GKAP1: variants seen among roughly 807,000 people sequenced by gnomAD.
GKAP1 encodes G kinase anchoring protein 1.
GKAP1 carries 31 observed loss-of-function variants against 56.7 expected under a neutral mutation model. The ratio of observed to expected loss-of-function variants is 0.55; its 90% CI spans 0.41 to 0.74. GKAP1 has a LOEUF of 0.74. Among genes scored for constraint, GKAP1 ranks in the 30% least tolerant of loss-of-function variants. The pLI is 0.00. For synonymous variants in GKAP1, 151 were observed against 138.6 expected, an observed-to-expected ratio of 1.09 and a Z score of -0.63; for missense variants, 364 against 402.3, an observed-to-expected ratio of 0.90 and a Z score of 0.82.
chr9:83,755,827 G>A (rs1433041044), intron 8 of GKAP1, among the ~76,000 whole-genome samples: 9 of 129,732 alleles, frequency 6.9e-5, no homozygotes, highest in South Asian at 2.4e-4. Flanking sequence ...TTTTTGAGAC[G>A]AAGTCTCGAT....
intron 2 of GKAP1, among the ~76,000 whole-genome samples, chr9:83,808,071 G>A (rs565161435): frequency 2.9e-4 from 44 of 152,272 alleles, no homozygotes; most frequent in Admixed American, 5.2e-4. Context: ...ACAGTATCAT[G>A]TTAAGACAAA....
intron 9 of GKAP1, among the ~76,000 whole-genome samples, chr9:83,751,335 C>G (rs1943385424): frequency 6.6e-6 from 1 of 152,124 alleles, no homozygotes; most frequent in Non-Finnish European, 1.5e-5. Flanking sequence ...TTTTTGATAG[C>G]AGCAACTCAT....
intron 9 of GKAP1, among the ~76,000 whole-genome samples, chr9:83,749,937 C>T (rs1943359910): frequency 6.6e-6 from 1 of 152,152 alleles, no homozygotes; most frequent in Non-Finnish European, 1.5e-5. Context: ...AAAACACATA[C>T]ACTCAACTAC....
At chr9:83,774,697 A>AC (rs201169255) in intron 7 of GKAP1, among the ~76,000 whole-genome samples, 1 of 107,230 alleles carries the variant, frequency 9.3e-6, no homozygotes, top group Non-Finnish European at 2.0e-5. Flanking sequence ...ATAAACAGAA[A>AC]CCCCCTTTTT....
intron 2 of GKAP1, among the ~76,000 whole-genome samples, chr9:83,812,465 G>A (rs144003875): frequency 0.011 from 1,676 of 150,308 alleles, 28 homozygotes; most frequent in African/African-American, 0.039. Flanking sequence ...CTCCCACCTC[G>A]GCCTCCAGAG....
chr9:83,814,157 A>G (rs1232245350), intron 2 of GKAP1, among the ~76,000 whole-genome samples: 1 of 152,192 alleles, frequency 6.6e-6, no homozygotes, highest in African/African-American at 2.4e-5. Context: ...CAAAGTCTTT[A>G]TTTTACATAT....
intron 3 of GKAP1, among the ~76,000 whole-genome samples, chr9:83,805,032 G>A (rs1345842919): frequency 6.6e-6 from 1 of 152,238 alleles, no homozygotes; most frequent in Admixed American, 6.5e-5. Context: ...AGAAGGGGGG[G>A]AAAGGTGGGG....
intron 7 of GKAP1, among the ~76,000 whole-genome samples, chr9:83,772,646 A>T (rs1166705224): frequency 6.6e-6 from 1 of 152,212 alleles, no homozygotes; most frequent in Non-Finnish European, 1.5e-5. Context: ...ATAAAAAATT[A>T]AAAAGAAAAG....
intron 7 of GKAP1, among the ~76,000 whole-genome samples, chr9:83,769,182 A>G (rs1004955248): frequency 1.3e-5 from 2 of 152,192 alleles, no homozygotes; most frequent in Non-Finnish European, 2.9e-5. Flanking sequence ...ACATTTGGAA[A>G]TTTCCTTTCA....
rs1234903747 is a variant in GKAP1 at position 83,795,569 on chromosome 9, T to C, written c.360+3616A>G. 2.6e-5 allele frequency among the ~76,000 whole-genome samples: 4 copies of C among 150,950 alleles called. No homozygotes were observed. In the Admixed American group the frequency reaches 2.7e-4, roughly 10 times the overall value. ...TAATGGTGGTATACTCTCTCAGTTA[T>C]GGTTATGTCTGAGAGTGTCTTTTTT... On this transcript the variant is annotated intron_variant, in intron 4 of 12. Transcript: ENST00000376371.
intron 2 of GKAP1, among the ~76,000 whole-genome samples, chr9:83,812,920 T>C (rs1944532402): frequency 2.0e-5 from 3 of 152,116 alleles, no homozygotes; most frequent in Admixed American, 6.5e-5. Flanking sequence ...CGTTAACTAA[T>C]TTTTCAGAAT....
chr9:83,763,814 A>G (rs1294382623), intron 8 of GKAP1, among the ~76,000 whole-genome samples: 1 of 152,208 alleles, frequency 6.6e-6, no homozygotes, highest in Non-Finnish European at 1.5e-5. Context: ...CTAATAGTGT[A>G]AGAAAGGCAG....
At chr9:83,771,445 T>A (rs1458480793) in intron 7 of GKAP1, among the ~76,000 whole-genome samples, 1 of 152,216 alleles carries the variant, frequency 6.6e-6, no homozygotes, top group African/African-American at 2.4e-5. Context: ...CAAGGTTCAA[T>A]AATTATTCAT....
At chr9:83,761,820 A>G (rs1379332451) in intron 8 of GKAP1, among the ~76,000 whole-genome samples, 1 of 152,252 alleles carries the variant, frequency 6.6e-6, no homozygotes, top group Non-Finnish European at 1.5e-5. Context: ...GATCATTTCA[A>G]TTGATGCTGA....
chr9:83,744,184 T>C (rs1220646614), intron 10 of GKAP1, among the ~76,000 whole-genome samples: 2 of 152,244 alleles, frequency 1.3e-5, no homozygotes, highest in African/African-American at 4.8e-5. Context: ...TGAAAACTAG[T>C]GATTTTAAAG....
chr9:83,753,562 A>C (rs2131242909), intron 8 of GKAP1, among the ~76,000 whole-genome samples: 1 of 152,332 alleles, frequency 6.6e-6, no homozygotes, highest in South Asian at 2.1e-4. Context: ...TAATTAAGCC[A>C]AACATACTGA....
chr9:83,775,874 C>CAA (rs55669011), intron 7 of GKAP1, among the ~76,000 whole-genome samples: 1,077 of 42,116 alleles, frequency 0.026, 1 homozygote, highest in Non-Finnish European at 0.029. Context: ...GACTCTGTCT[C>CAA]AAAAAAAAAA....
Position 83,769,005 on chromosome 9 carries a change from A to G in GKAP1, c.586-35T>C, listed in dbSNP as rs765454564. 5.7e-6 allele frequency: 9 copies of G among 1,565,312 alleles called. No homozygotes were observed. In the Admixed American group the frequency reaches 1.2e-4, roughly 21 times the overall value. On this transcript the variant is annotated intron_variant, in intron 7 of 12. Coordinates refer to ENST00000376371, the MANE Select transcript of GKAP1 (RefSeq NM_025211.4). ...ATGAATTACGATTTACTATCATTCAACATGCACTGATATGCATTTAATACA... is the reference window on the plus strand; with the variant it reads ...ATGAATTACGATTTACTATCATTCAGCATGCACTGATATGCATTTAATACA...
chr9:83,753,038 C>A (rs1419996550), intron 9 of GKAP1, among the ~76,000 whole-genome samples: 2 of 151,296 alleles, frequency 1.3e-5, no homozygotes, highest in African/African-American at 2.4e-5. Flanking sequence ...CCAGCCTGGG[C>A]AACAGAATGA....
Sources: allele counts gnomAD v4.1 joint callset (sites outside exome capture counted in the v4.1 genomes callset), GRCh38; gene constraint gnomAD v4.1.1; transcripts MANE v1.5; gene names NCBI Gene and HGNC (gene_info 2026-07-23, HGNC 2026-07-21).